Variants in WDR41 observed in about 807,000 individuals in gnomAD.
WDR41 encodes the protein WD repeat-containing protein 41.
WDR41 carries 63 observed loss-of-function variants against 69.3 expected under a neutral mutation model. The ratio of observed to expected loss-of-function variants is 0.91; its 90% CI spans 0.74 to 1.12. The LOEUF (loss-of-function observed/expected upper bound fraction) is 1.12, where lower values mean the gene tolerates loss of function less well. Ranked by LOEUF, WDR41 falls within the 50% of genes most tolerant of loss-of-function variation. The pLI is 0.00. For missense variants in WDR41, 543 were observed against 534.5 expected (o/e 1.02, Z -0.16); for synonymous variants, 185 against 192.1 (o/e 0.96, Z 0.31).
At chr5:77,507,644 C>T (rs576202316) in intron 1 of WDR41, among the ~76,000 whole-genome samples, 35 of 152,166 alleles carry the variant, frequency 2.3e-4, no homozygotes, top group African/African-American at 7.5e-4. Context: ...TGCAGTGTTA[C>T]GGCTGTAATA....
chr5:77,436,120 T>TA, intron 12 of WDR41, 141 bp downstream of exon 12: 1 of 1,107,182 alleles, frequency 9.0e-7, no homozygotes, highest in Non-Finnish European at 1.3e-6. Context: ...TACTATAGCC[T>TA]ATCCCATTCC....
Position 77,436,684 on chromosome 5 carries a change from T to A in WDR41, c.1094-290A>T, listed in dbSNP as rs539739496. On this transcript the variant is annotated intron_variant, in intron 11 of 12. Transcript: ENST00000296679. ...GACAGAAACAAAGCTTGAATGGCAG[T>A]GTCTAACTGTCAAGGGAAAAAAGGG... is the stretch of plus-strand genomic sequence containing the variant. Among the ~76,000 whole-genome samples the A allele has an allele frequency of 1.1e-4, 16 of 152,192 alleles. No homozygotes were observed. In the South Asian group the frequency reaches 3.1e-3, roughly 30 times the overall value.
intron 2 of WDR41, among the ~76,000 whole-genome samples, chr5:77,469,252 G>A (rs1800447101): frequency 6.6e-6 from 1 of 151,944 alleles, no homozygotes; most frequent in African/African-American, 2.4e-5. Flanking sequence ...TGGGGTGGGG[G>A]TAGGGGGGAG....
At chr5:77,434,014 C>T (rs1798835927) in intron 12 of WDR41, among the ~76,000 whole-genome samples, 1 of 152,048 alleles carries the variant, frequency 6.6e-6, no homozygotes, top group South Asian at 2.1e-4. Flanking sequence ...AGGATGAGGT[C>T]CTCGAAGGAA....
At chr5:77,439,185 A>G (rs1382580938) in intron 9 of WDR41, among the ~76,000 whole-genome samples, 1 of 152,200 alleles carries the variant, frequency 6.6e-6, no homozygotes, top group Non-Finnish European at 1.5e-5. Context: ...AGAATCATCC[A>G]TTCTTACTCA....
intron 4 of WDR41, among the ~76,000 whole-genome samples, chr5:77,462,870 A>G (rs1380749045): frequency 1.3e-5 from 2 of 152,234 alleles, no homozygotes; most frequent in Non-Finnish European, 2.9e-5. Flanking sequence ...TGGAAAGAAC[A>G]GCAATAGTCA....
At chr5:77,433,531 T>A in intron 12 of WDR41, among the ~76,000 whole-genome samples, 1 of 152,358 alleles carries the variant, frequency 6.6e-6, no homozygotes, top group East Asian at 1.9e-4. Flanking sequence ...TGAATTCTCA[T>A]AGTTCTTCCA....
intron 8 of WDR41, among the ~76,000 whole-genome samples, chr5:77,441,300 A>G (rs1266267334): frequency 1.3e-5 from 2 of 152,194 alleles, no homozygotes; most frequent in Non-Finnish European, 2.9e-5. Flanking sequence ...TGTACCATAC[A>G]CCAAAATAAG....
At chr5:77,509,456 G>A (rs1488137554) in intron 1 of WDR41, among the ~76,000 whole-genome samples, 1 of 152,070 alleles carries the variant, frequency 6.6e-6, no homozygotes, top group African/African-American at 2.4e-5. Flanking sequence ...TACTCAAAAG[G>A]GGAAAGAACT....
chr5:77,610,358 T>C (rs931894931), intron 1 of WDR41, among the ~76,000 whole-genome samples: 2 of 152,160 alleles, frequency 1.3e-5, no homozygotes, highest in African/African-American at 4.8e-5. Context: ...AATTGTCAGA[T>C]TCACCAAACT....
intron 1 of WDR41, among the ~76,000 whole-genome samples, chr5:77,540,695 A>G (rs1282234248): frequency 7.2e-6 from 1 of 139,202 alleles, no homozygotes. Context: ...TGACAGAGCA[A>G]GACCCTGTCA....
rs889249563 is a variant in WDR41, at chr5:77,583,152, G to A, written c.42+37327C>T. 9.1e-6 allele frequency: 11 copies of A among 1,203,840 alleles called. No individual in the cohort carries two copies. In the African/African-American group the frequency reaches 1.3e-4, roughly 15 times the overall value. The allele number at this position is 1,203,840 out of a possible 1,614,324, so 74.6% of individuals were successfully genotyped here. A position where few individuals can be genotyped will look rare whatever the true frequency, so the allele number is the denominator to read the frequency against. ...TCTACCATGATTATTTTTCTAAGCT[G>A]GTTGGTTAATAAACAGTACCTGCTC... On this transcript the variant is annotated intron_variant, in intron 1 of 5. Transcript: ENST00000509971.
intron 6 of WDR41, 57 bp from the exon 7 acceptor site, chr5:77,451,410 AC>A (rs2151305071): frequency 6.6e-7 from 1 of 1,514,016 alleles, no homozygotes; most frequent in East Asian, 2.3e-5. Context: ...TATATCAAAA[AC>A]AAAAACATTC....
At chr5:77,582,802 G>C in intron 1 of WDR41, 7 of 1,601,092 alleles carry the variant, frequency 4.4e-6, no homozygotes, top group Non-Finnish European at 5.9e-6. Context: ...TATAGCATGG[G>C]GGTACCCCAA....
intron 4 of WDR41, among the ~76,000 whole-genome samples, chr5:77,460,353 G>A (rs1257507430): frequency 2.6e-5 from 4 of 152,100 alleles, no homozygotes; most frequent in African/African-American, 9.7e-5. Context: ...AAAACTGCTA[G>A]CATACAAAAA....
intron 1 of WDR41, among the ~76,000 whole-genome samples, chr5:77,608,809 CA>C (rs1744479622): frequency 1.3e-5 from 2 of 152,236 alleles, no homozygotes; most frequent in Admixed American, 1.3e-4. Context: ...GGGCGCAGGA[CA>C]GGGGTGCAGT....
intron 1 of WDR41, among the ~76,000 whole-genome samples, chr5:77,531,928 A>T (rs780090646): frequency 6.6e-6 from 1 of 152,046 alleles, no homozygotes; most frequent in South Asian, 2.1e-4. Context: ...AAAGGAGATC[A>T]GTAGTTGCCA....
At chr5:77,566,372 A>G (rs1340782191) in intron 1 of WDR41, among the ~76,000 whole-genome samples, 1 of 151,698 alleles carries the variant, frequency 6.6e-6, no homozygotes, top group Non-Finnish European at 1.5e-5. Flanking sequence ...CTGGGTCTCT[A>G]TTTATATTGA....
intron 1 of WDR41, among the ~76,000 whole-genome samples, chr5:77,613,802 A>G (rs573898415): frequency 6.6e-6 from 1 of 152,368 alleles, no homozygotes; most frequent in South Asian, 2.1e-4. Flanking sequence ...AATGGGATCT[A>G]ATTAAACTAA....
Sources: allele counts gnomAD v4.1 joint callset (sites outside exome capture counted in the v4.1 genomes callset), GRCh38; gene constraint gnomAD v4.1.1; transcripts MANE v1.5; gene names NCBI Gene and HGNC (gene_info 2026-07-23, HGNC 2026-07-21).